Variants in EP300 observed in about 807,000 individuals in gnomAD.
EP300 encodes the protein EP300 lysine acetyltransferase.
EP300 carries 31 observed loss-of-function variants against 264.0 expected under a neutral mutation model. That is an observed-to-expected ratio of 0.12 (90% confidence interval 0.09 to 0.16). The LOEUF (loss-of-function observed/expected upper bound fraction) is 0.16. EP300 is among the 10% of genes least tolerant of loss of function. EP300 has a pLI of 1.00. For synonymous variants in EP300, 1,340 were observed against 1,045.4 expected, an observed-to-expected ratio of 1.28 and a Z score of -5.44; for missense variants, 2,766 against 3,052.9, an observed-to-expected ratio of 0.91 and a Z score of 2.21.
At chr22:41,163,950 G>T in intron 21 of EP300, 103 bp from the exon 22 acceptor site, 1 of 1,035,864 alleles carries the variant, frequency 9.7e-7, no homozygotes, top group Non-Finnish European at 1.5e-6. Context: ...TCAGTTCTTT[G>T]GTCATGACCT....
chr22:41,097,028 GTTTTA>G (rs1436562247), intron 1 of EP300, among the ~76,000 whole-genome samples: 1 of 152,166 alleles, frequency 6.6e-6, no homozygotes, highest in Non-Finnish European at 1.5e-5. Context: ...GATATGCTAT[GTTTTA>G]TTTTATTTTG....
chr22:41,151,033 C>T (rs1003858771), intron 14 of EP300, among the ~76,000 whole-genome samples: 1 of 152,046 alleles, frequency 6.6e-6, no homozygotes, highest in African/African-American at 2.4e-5. Context: ...AATCCAAATT[C>T]TCATCTAATA....
intron 27 of EP300, 116 bp from the exon 28 acceptor site, chr22:41,172,377 AGTCTCT>A (rs1396265693): frequency 1.1e-6 from 1 of 879,418 alleles, no homozygotes; most frequent in Admixed American, 2.2e-5. Flanking sequence ...TTAGGTATAA[AGTCTCT>A]GCCAGCTTTC....
At position 41,149,978 on chromosome 22, in the gene EP300, C is replaced by T. The variant is rs1419240539; in HGVS notation, c.2597C>T (p.Pro866Leu). Residue 866 changes from proline (P) to leucine (L), a missense_variant, in exon 14 of 31, where the codon CCT becomes CTT. Pro to Leu is a moderately conservative substitution (Grantham distance 98). Coordinates refer to ENST00000263253, the MANE Select transcript of EP300 (RefSeq NM_001429.4). ...ATTIPAPVPT[P>L]PAMPPGPQSQ... ...ACAATTCCAGCCCCTGTTCCTACAC[C>T]TCCTGCCATGCCACCTGGGCCACAG... 2.5e-6 allele frequency: 4 copies of T among 1,614,092 alleles called. No individual in the cohort carries two copies. Among genetic ancestry groups the T allele is most frequent in the Non-Finnish European group, 3.4e-6 (4 of 1,180,018 alleles).
In EP300 at chr22:41,092,598, G is replaced by C. The variant is rs770821827; in HGVS notation, c.-407G>C. On this transcript the variant is annotated 5_prime_UTR_variant, in exon 1 of 31. Transcript: ENST00000263253. ...CCCGCCTCCTTGTGGCGATGAGAAGGAGGAGGACAGCGCCGAGGAGGAAGA... is the reference window on the plus strand; with the variant it reads ...CCCGCCTCCTTGTGGCGATGAGAAGCAGGAGGACAGCGCCGAGGAGGAAGA... The C allele has an allele frequency of 1.7e-6, 1 of 596,334 alleles. No homozygotes were observed. Among genetic ancestry groups the C allele is most frequent in the Non-Finnish European group, 3.0e-6 (1 of 327,896 alleles). 36.9% of individuals were successfully genotyped at this position (596,334 alleles called of 1,614,324 possible). A position where few individuals can be genotyped will look rare whatever the true frequency, so the allele number is the denominator to read the frequency against.
At chr22:41,166,191 G>A (rs1231043231) in intron 22 of EP300, among the ~76,000 whole-genome samples, 6 of 152,200 alleles carry the variant, frequency 3.9e-5, no homozygotes, top group Non-Finnish European at 8.8e-5. Context: ...GTTTATACAA[G>A]AAACTACTTA....
At chr22:41,115,611 G>A (rs1435227128) in intron 1 of EP300, among the ~76,000 whole-genome samples, 1 of 152,096 alleles carries the variant, frequency 6.6e-6, no homozygotes, top group Non-Finnish European at 1.5e-5. Flanking sequence ...TTTATTGTTT[G>A]TAGAGACAGG....
rs181951278 is a variant in EP300, at chr22:41,093,011, G to A, written c.7G>A (p.Glu3Lys). The A allele has an allele frequency of 6.2e-7, 1 of 1,614,122 alleles. No homozygotes were observed. The highest frequency in any genetic ancestry group is 8.5e-7 in the Non-Finnish European group (1 of 1,180,024). Residue 3 changes from glutamate to lysine, a missense_variant, in exon 1 of 31, where the codon GAG (glutamate) becomes AAG (lysine). Coordinates refer to ENST00000263253, the MANE Select transcript of EP300 (RefSeq NM_001429.4). The part of the protein sequence containing the change: MA[E>K]NVVEPGPPSA... ...ATCTCCGAAAGAATTAAAAATGGCCGAGAATGTGGTGGAACCGGGGCCGCC... is the reference window on the plus strand; with the variant it reads ...ATCTCCGAAAGAATTAAAAATGGCCAAGAATGTGGTGGAACCGGGGCCGCC...
At chr22:41,112,109 C>T (rs1322083490) in intron 1 of EP300, among the ~76,000 whole-genome samples, 1 of 150,290 alleles carries the variant, frequency 6.7e-6, no homozygotes, top group East Asian at 2.0e-4. Flanking sequence ...AGGATGGTCT[C>T]AATCTCCTGA....
At chr22:41,105,049 TAGCCGGGCGTAG>T (rs2058750893) in intron 1 of EP300, among the ~76,000 whole-genome samples, 1 of 151,606 alleles carries the variant, frequency 6.6e-6, no homozygotes, top group Admixed American at 6.6e-5. Flanking sequence ...ACAGAAAAAT[TAGCCGGGCGTAG>T]TGGCGGGCGC....
intron 2 of EP300, among the ~76,000 whole-genome samples, chr22:41,122,451 C>T (rs1383518498): frequency 6.6e-6 from 1 of 152,080 alleles, no homozygotes; most frequent in Non-Finnish European, 1.5e-5. Context: ...CAGGCGTGAG[C>T]CACCGTGCCC....
chr22:41,163,132 T>G (rs1458934871), intron 21 of EP300, among the ~76,000 whole-genome samples: 1 of 152,134 alleles, frequency 6.6e-6, no homozygotes, highest in Middle Eastern at 3.2e-3. Context: ...CAGGAATCTG[T>G]CTTAAAAATT....
chr22:41,152,502 A>G, intron 16 of EP300, 152 bp downstream of exon 16: 1 of 805,180 alleles, frequency 1.2e-6, no homozygotes, highest in South Asian at 1.9e-5. Context: ...ATTGTTACTA[A>G]TAATTTTTCT....
At position 41,176,627 on chromosome 22, in the gene EP300, G is replaced by T. The variant is rs1174226869; in HGVS notation, c.5061+99G>T. 3 of 1,607,312 alleles carry T rather than the reference G, an allele frequency of 1.9e-6. No individual in the cohort carries two copies. In the African/African-American group the frequency reaches 4.0e-5, roughly 22 times the overall value. Reference sequence around the variant, plus strand: ...TTATAGAGGCCTGTGGGATGCTAGGGGCTTGGCCTCGTGTTTGAGGGGCAG... The same window carrying T: ...TTATAGAGGCCTGTGGGATGCTAGGTGCTTGGCCTCGTGTTTGAGGGGCAG... On this transcript the variant is annotated intron_variant, in intron 30 of 30. Coordinates refer to ENST00000263253, the MANE Select transcript of EP300 (RefSeq NM_001429.4).
intron 10 of EP300, among the ~76,000 whole-genome samples, chr22:41,142,033 T>C (rs2058985686): frequency 6.6e-6 from 1 of 152,208 alleles, no homozygotes; most frequent in East Asian, 1.9e-4. Context: ...TATAGCATCA[T>C]TGTTGACCTG....
intron 1 of EP300, among the ~76,000 whole-genome samples, chr22:41,115,470 T>C (rs2058815855): frequency 6.6e-6 from 1 of 152,206 alleles, no homozygotes; most frequent in African/African-American, 2.4e-5. Flanking sequence ...TCTTGCTCTG[T>C]CACCCAGGCT....
At position 41,177,771 on chromosome 22, in the gene EP300, G is replaced by C. The variant is rs573696044; in HGVS notation, c.6060G>C (p.Gln2020His). Residue 2020 changes from glutamine (Q) to histidine (H), a missense_variant, in exon 31 of 31, where the codon CAG (glutamine) becomes CAC (histidine). Coordinates refer to ENST00000263253, the MANE Select transcript of EP300 (RefSeq NM_001429.4). ...GGCCAGCCATGATGTCAGTGGCCCA[G>C]CATGGTCAACCTTTGAACATGGCTC... is the stretch of plus-strand genomic sequence containing the variant. ...MPRPAMMSVA[Q>H]HGQPLNMAPQ... 4.3e-6 allele frequency: 7 copies of C among 1,613,830 alleles called. 1 individual carries two copies. The highest frequency in any genetic ancestry group is 5.9e-6 in the Non-Finnish European group (7 of 1,180,038).
intron 1 of EP300, among the ~76,000 whole-genome samples, chr22:41,115,859 G>A (rs1214017006): frequency 6.6e-6 from 1 of 152,222 alleles, no homozygotes; most frequent in Non-Finnish European, 1.5e-5. Flanking sequence ...CTACTTTGAG[G>A]CAGGTACTAT....
At chr22:41,095,210 C>T (rs1316052198) in intron 1 of EP300, among the ~76,000 whole-genome samples, 3 of 144,218 alleles carry the variant, frequency 2.1e-5, no homozygotes, top group Non-Finnish European at 3.0e-5. Flanking sequence ...TGTTAACTTA[C>T]TTCAAGTTGG....
Sources: allele counts gnomAD v4.1 joint callset (sites outside exome capture counted in the v4.1 genomes callset), GRCh38; gene constraint gnomAD v4.1.1; transcripts MANE v1.5; gene names NCBI Gene and HGNC (gene_info 2026-07-23, HGNC 2026-07-21).